Variants in ENPP3 observed in about 807,000 individuals in gnomAD.
ENPP3 encodes ectonucleotide pyrophosphatase/phosphodiesterase 3.
A neutral mutation model predicts 117.8 loss-of-function variants in ENPP3; 104 were observed. That is an observed-to-expected ratio of 0.88 (90% CI 0.75 to 1.04). The LOEUF (loss-of-function observed/expected upper bound fraction) is 1.04, where lower values mean the gene tolerates loss of function less well. Among genes scored for constraint, ENPP3 ranks in the 50% least tolerant of loss-of-function variants. ENPP3 has a pLI of 0.00. For synonymous variants in ENPP3, 380 were observed against 349.9 expected (o/e 1.09, Z -0.96); for missense variants, 1,026 against 1,051.9 (o/e 0.98, Z 0.34).
At position 131,733,451 on chromosome 6, in the gene ENPP3, T is replaced by C. The variant is rs140427335; in HGVS notation, c.1954-137T>C. 1.2e-3 allele frequency: 1,048 copies of C among 873,784 alleles called. 2 individuals are homozygous for C. Among genetic ancestry groups the C allele is most frequent in the Non-Finnish European group, 1.6e-3 (988 of 599,154 alleles). 54.1% of individuals were successfully genotyped at this position (873,784 alleles called of 1,614,324 possible). A position where few individuals can be genotyped will look rare whatever the true frequency, so the allele number is the denominator to read the frequency against. On this transcript the variant is annotated intron_variant, in intron 20 of 24. Coordinates refer to ENST00000357639, the MANE Select transcript of ENPP3 (RefSeq NM_005021.5). The stretch of plus-strand genomic sequence containing the variant: ...ACACTGCTGAAGACATCCATTCTCA[T>C]TGCTTGCGTAGACCTGATTCACTAA...
chr6:131,725,165 G>T (rs559283407), intron 19 of ENPP3, among the ~76,000 whole-genome samples: 18 of 152,244 alleles, frequency 1.2e-4, no homozygotes, highest in Middle Eastern at 3.4e-3. Flanking sequence ...GATGGAGGTT[G>T]CAGTGAGCTG....
At chr6:131,737,825 A>G (rs1269599709) in intron 22 of ENPP3, among the ~76,000 whole-genome samples, 1 of 152,192 alleles carries the variant, frequency 6.6e-6, no homozygotes, top group African/African-American at 2.4e-5. Flanking sequence ...CTGTAATTTC[A>G]AGACAATAAC....
intron 14 of ENPP3, among the ~76,000 whole-genome samples, chr6:131,689,281 A>G (rs995983133): frequency 2.0e-5 from 3 of 152,210 alleles, no homozygotes; most frequent in Non-Finnish European, 4.4e-5. Context: ...TTTCATAGCT[A>G]GAGAAGAGAA....
chr6:131,641,537 C>A lies in ENPP3; in HGVS notation c.154+7C>A. The stretch of plus-strand genomic sequence containing the variant: ...AGGAAACTGGAAAAGCAAGGTATAC[C>A]CCTCAGCCTTTTCTCAGAACATTCC... On this transcript the variant is annotated splice_region_variant and intron_variant, in intron 2 of 24. Transcript: ENST00000357639. The A allele has an allele frequency of 6.4e-7, 1 of 1,565,192 alleles. No individual in the cohort carries two copies. Among genetic ancestry groups the A allele is most frequent in the Non-Finnish European group, 8.8e-7 (1 of 1,136,708 alleles).
At chr6:131,671,144 GTTTGTTT>G in intron 6 of ENPP3, 97 bp from the exon 7 acceptor site, 1 of 739,124 alleles carries the variant, frequency 1.4e-6, no homozygotes, top group Non-Finnish European at 2.4e-6. Flanking sequence ...CCACTTTTTA[GTTTGTTT>G]TTTATTTTTC....
At chr6:131,679,065 CTTTCTTTCTTTCTTTCTTTCTTTT>C (rs1778960991) in intron 11 of ENPP3, among the ~76,000 whole-genome samples, 4 of 126,456 alleles carry the variant, frequency 3.2e-5, no homozygotes, top group African/African-American at 9.8e-5. Context: ...TTCTTTCTTT[CTTTCTTTCTTTCTTTCTTTCTTTT>C]CTTCTTTCTT....
In ENPP3 at chr6:131,733,682, T is replaced by C. The variant is rs1458813521; in HGVS notation, c.2048T>C (p.Leu683Ser). 5 of 1,614,182 alleles carry C rather than the reference T, an allele frequency of 3.1e-6. No individual in the cohort carries two copies. The highest frequency in any genetic ancestry group is 4.2e-6 in the Non-Finnish European group (5 of 1,180,012). ...GAGAGCCAAAAATGTTCCTTCTATT[T>C]AGCAGACAAGAATATCACCCACGGC... is the stretch of plus-strand genomic sequence containing the variant. ...PSESQKCSFY[L>S]ADKNITHGFL... Residue 683 changes from leucine (L) to serine (S), a missense_variant, in exon 21 of 25, where the codon TTA (leucine) becomes TCA (serine). Physicochemically the swap from Leu to Ser is moderately radical, Grantham distance 145. Transcript: ENST00000357639.
intron 14 of ENPP3, among the ~76,000 whole-genome samples, chr6:131,688,485 T>C (rs1013324040): frequency 3.9e-5 from 6 of 152,278 alleles, no homozygotes; most frequent in African/African-American, 1.4e-4. Context: ...TTAGCCAAAT[T>C]GTCATAACAA....
intron 6 of ENPP3, among the ~76,000 whole-genome samples, chr6:131,663,686 C>T (rs1307746768): frequency 9.1e-5 from 13 of 142,226 alleles, no homozygotes; most frequent in Non-Finnish European, 1.5e-5. Context: ...AGAGCGAGTT[C>T]TTGTCTCAAA....
At chr6:131,683,749 GTTTTTTTTT>G (rs397940601) in intron 12 of ENPP3, among the ~76,000 whole-genome samples, 1 of 126,592 alleles carries the variant, frequency 7.9e-6, no homozygotes, top group African/African-American at 3.1e-5. Context: ...CACTCTACAG[GTTTTTTTTT>G]TTTTTTTTTT....
chr6:131,722,454 T>A (rs1780056834), intron 18 of ENPP3, 49 bp downstream of exon 18: 13 of 1,508,582 alleles, frequency 8.6e-6, no homozygotes, highest in African/African-American at 1.4e-5. Context: ...GGCAAGCTAT[T>A]CTTAACCTGG....
At chr6:131,723,056 G>A (rs3904056) in intron 18 of ENPP3, among the ~76,000 whole-genome samples, 39,142 of 152,102 alleles carry the variant, frequency 0.26, 8,360 homozygotes, top group African/African-American at 0.57. Context: ...GAATCAGAGC[G>A]CCTGGATGGG....
At chr6:131,719,245 A>G (rs1033250496) in intron 16 of ENPP3, among the ~76,000 whole-genome samples, 1 of 152,056 alleles carries the variant, frequency 6.6e-6, no homozygotes, top group African/African-American at 2.4e-5. Context: ...TTCAGGAGCC[A>G]AGTGTCCCAG....
intron 2 of ENPP3, among the ~76,000 whole-genome samples, chr6:131,644,991 T>A (rs994416176): frequency 2.0e-5 from 3 of 152,040 alleles, no homozygotes; most frequent in African/African-American, 7.2e-5. Context: ...AATCTACATA[T>A]TTTTTTTCTA....
intron 2 of ENPP3, among the ~76,000 whole-genome samples, chr6:131,645,393 T>C (rs1778134529): frequency 6.6e-6 from 1 of 152,228 alleles, no homozygotes; most frequent in Non-Finnish European, 1.5e-5. Flanking sequence ...CAGTTGGGTA[T>C]AGAATAAAGT....
At chr6:131,668,701 G>A (rs1446189860) in intron 6 of ENPP3, among the ~76,000 whole-genome samples, 7 of 151,958 alleles carry the variant, frequency 4.6e-5, no homozygotes, top group Non-Finnish European at 8.8e-5. Context: ...AAATACACAC[G>A]TAAACATTTT....
intron 24 of ENPP3, among the ~76,000 whole-genome samples, chr6:131,745,126 T>C (rs1420386455): frequency 6.6e-6 from 1 of 152,136 alleles, no homozygotes; most frequent in Non-Finnish European, 1.5e-5. Flanking sequence ...TAGAGTCGTA[T>C]AAACCAAATG....
chr6:131,693,245 T>G (rs557641766), intron 14 of ENPP3, among the ~76,000 whole-genome samples: 3 of 151,748 alleles, frequency 2.0e-5, no homozygotes, highest in South Asian at 2.1e-4. Context: ...GGGGTGATCT[T>G]GGCTCACTGC....
intron 11 of ENPP3, among the ~76,000 whole-genome samples, chr6:131,682,157 T>C (rs1488557032): frequency 6.6e-6 from 1 of 152,114 alleles, no homozygotes; most frequent in Non-Finnish European, 1.5e-5. Context: ...AAGTATCTTT[T>C]CATGGATATA....
Sources: gnomAD v4.1 joint callset for allele counts (sites outside exome capture counted in the v4.1 genomes callset) on GRCh38, gnomAD v4.1.1 for gene constraint, MANE v1.5 for transcripts, NCBI Gene and HGNC (gene_info 2026-07-23, HGNC 2026-07-21) for gene names.